The following FSTL5 variants were observed in gnomAD, a reference collection of about 807,000 sequenced individuals.
FSTL5 encodes follistatin like 5, also known as follistatin-related protein 5.
In FSTL5, 62 loss-of-function variants were observed where a neutral mutation model predicts 89.1. The ratio of observed to expected loss-of-function variants is 0.70; its 90% CI spans 0.57 to 0.86. The LOEUF (loss-of-function observed/expected upper bound fraction) is 0.86, where lower values mean the gene tolerates loss of function less well. Ranked by LOEUF, FSTL5 falls within the 40% of genes least tolerant of loss-of-function variation. The pLI is 0.00. For missense variants in FSTL5, 1,057 were observed against 1,001.6 expected (o/e 1.06, Z -0.75); for synonymous variants, 383 against 346.2 (o/e 1.11, Z -1.18).
At chr4:161,975,957 T>C (rs528452841) in intron 3 of FSTL5, among the ~76,000 whole-genome samples, 2 of 133,642 alleles carry the variant, frequency 1.5e-5, no homozygotes, top group African/African-American at 6.4e-5. Flanking sequence ...CTACTAAAAA[T>C]ACAAAAAAAA....
At chr4:161,636,090 CAAA>C (rs34996065) in intron 7 of FSTL5, among the ~76,000 whole-genome samples, 2 of 129,354 alleles carry the variant, frequency 1.5e-5, no homozygotes, top group African/African-American at 2.8e-5. Flanking sequence ...TAATTGACAG[CAAA>C]AAAAAAAAAA....
intron 8 of FSTL5, among the ~76,000 whole-genome samples, chr4:161,557,464 A>T (rs1391595682): frequency 6.6e-6 from 1 of 151,690 alleles, no homozygotes; most frequent in African/African-American, 2.4e-5. Flanking sequence ...AATATTCCCT[A>T]ACTTGACAGG....
intron 2 of FSTL5, among the ~76,000 whole-genome samples, chr4:162,071,751 G>A (rs187706881): frequency 3.3e-5 from 5 of 151,810 alleles, no homozygotes; most frequent in Non-Finnish European, 4.4e-5. Flanking sequence ...GGCCACAACA[G>A]AAGTTTCAAC....
At chr4:161,571,855 T>C (rs553832025) in intron 8 of FSTL5, among the ~76,000 whole-genome samples, 14 of 152,248 alleles carry the variant, frequency 9.2e-5, no homozygotes, top group Admixed American at 8.5e-4. Flanking sequence ...GCATCGTGAG[T>C]GTCTTTAATG....
intron 4 of FSTL5, among the ~76,000 whole-genome samples, chr4:161,852,022 C>G (rs2126881737): frequency 6.6e-6 from 1 of 152,058 alleles, no homozygotes; most frequent in East Asian, 1.9e-4. Context: ...ATAGCATTAT[C>G]AGAAAATGCA....
intron 4 of FSTL5, among the ~76,000 whole-genome samples, chr4:161,837,974 C>T (rs947085352): frequency 3.3e-5 from 5 of 152,086 alleles, no homozygotes; most frequent in Non-Finnish European, 5.9e-5. Flanking sequence ...TTTGACTTAA[C>T]GGGCTTCTAT....
intron 4 of FSTL5, among the ~76,000 whole-genome samples, chr4:161,838,518 T>G (rs1300354040): frequency 6.6e-6 from 1 of 152,088 alleles, no homozygotes; most frequent in Non-Finnish European, 1.5e-5. Context: ...TCTCCTGACC[T>G]CGTGATCCGC....
intron 1 of FSTL5, among the ~76,000 whole-genome samples, chr4:162,143,810 A>G (rs1432858280): frequency 7.1e-6 from 1 of 140,032 alleles, no homozygotes; most frequent in Non-Finnish European, 1.6e-5. Context: ...ACACACACAC[A>G]CACACACACA....
intron 5 of FSTL5, among the ~76,000 whole-genome samples, chr4:161,765,767 T>G (rs7661258): frequency 0.99 from 149,948 of 152,024 alleles, 73,977 homozygotes; most frequent in East Asian, 1. Context: ...TGACATATGT[T>G]TATATAAGGG....
At chr4:161,732,521 G>A (rs1444672591) in intron 6 of FSTL5, among the ~76,000 whole-genome samples, 1 of 151,864 alleles carries the variant, frequency 6.6e-6, no homozygotes, top group African/African-American at 2.4e-5. Flanking sequence ...AATAATTTTT[G>A]TTGTCTATAG....
intron 2 of FSTL5, among the ~76,000 whole-genome samples, chr4:162,061,120 T>C (rs902146093): frequency 2.6e-5 from 4 of 152,104 alleles, no homozygotes; most frequent in Admixed American, 2.6e-4. Flanking sequence ...GCTGTGTTAT[T>C]CATTGAATTG....
intron 3 of FSTL5, among the ~76,000 whole-genome samples, chr4:162,004,193 T>G (rs1210402336): frequency 6.6e-6 from 1 of 152,182 alleles, no homozygotes; most frequent in African/African-American, 2.4e-5. Context: ...CACCCCAAAC[T>G]GTACTCGTGC....
intron 2 of FSTL5, chr4:162,042,197 C>T (rs1260222428): frequency 6.6e-6 from 1 of 151,566 alleles, no homozygotes; most frequent in African/African-American, 2.4e-5. Flanking sequence ...TCATGTGTGT[C>T]TAAATTGAAA....
At chr4:161,472,412 G>A (rs144882708) in intron 13 of FSTL5, among the ~76,000 whole-genome samples, 284 of 150,142 alleles carry the variant, frequency 1.9e-3, no homozygotes, top group African/African-American at 6.6e-3. Context: ...TTTTCTTTCC[G>A]TTTTTTTAAG....
chr4:161,861,763 T>C lies in FSTL5; in HGVS notation c.409+58641A>G, dbSNP rs973206966. Among the ~76,000 whole-genome samples the C allele has an allele frequency of 2.0e-5, 3 of 152,198 alleles. No individual in the cohort carries two copies. In the South Asian group the frequency reaches 6.2e-4, roughly 32 times the overall value. ...CCGCTTTTTCACTTTAATTCTCTGATGATAAATGTGGTATAATAATAGTTG... is the reference window on the plus strand; with the variant it reads ...CCGCTTTTTCACTTTAATTCTCTGACGATAAATGTGGTATAATAATAGTTG... On this transcript the variant is annotated intron_variant, in intron 4 of 15. Transcript: ENST00000306100.
At chr4:162,090,810 AAC>A (rs750164662) in intron 2 of FSTL5, among the ~76,000 whole-genome samples, 3 of 151,036 alleles carry the variant, frequency 2.0e-5, no homozygotes, top group Admixed American at 6.6e-5. Context: ...CAGAGCCAGA[AAC>A]ACACACACAC....
At chr4:162,005,483 A>G (rs934132262) in intron 3 of FSTL5, among the ~76,000 whole-genome samples, 1 of 152,144 alleles carries the variant, frequency 6.6e-6, no homozygotes, top group South Asian at 2.1e-4. Flanking sequence ...ATGTGGTTGA[A>G]TAAGAAAGCC....
intron 12 of FSTL5, among the ~76,000 whole-genome samples, chr4:161,498,659 C>T (rs1407576455): frequency 6.6e-6 from 1 of 152,108 alleles, no homozygotes; most frequent in Non-Finnish European, 1.5e-5. Context: ...GAGAAACACT[C>T]TCCTATAAAA....
At chr4:162,123,374 A>G (rs764915317) in intron 1 of FSTL5, among the ~76,000 whole-genome samples, 8 of 152,188 alleles carry the variant, frequency 5.3e-5, no homozygotes, top group Admixed American at 1.3e-4. Flanking sequence ...TAGTAGAAGT[A>G]ATTAAGACCC....
Sources: gnomAD v4.1 joint callset for allele counts (sites outside exome capture counted in the v4.1 genomes callset) on GRCh38, gnomAD v4.1.1 for gene constraint, MANE v1.5 for transcripts, NCBI Gene and HGNC (gene_info 2026-07-23, HGNC 2026-07-21) for gene names.